CCDC81: variants seen among roughly 807,000 people sequenced by gnomAD.
CCDC81 encodes the protein coiled-coil domain-containing protein 81.
In CCDC81, 79 loss-of-function variants were observed where a neutral mutation model predicts 83.7. The observed-to-expected ratio is 0.94, with a 90% CI of 0.79 to 1.14. CCDC81 has a LOEUF of 1.14. Among genes scored for constraint, CCDC81 ranks in the 50% most tolerant of loss-of-function variants. The probability of loss-of-function intolerance (pLI) is 0.00; values close to 1 mark genes in which losing one functional copy is unlikely to be tolerated. For synonymous variants in CCDC81, 252 were observed against 278.1 expected (o/e 0.91, Z 0.93); for missense variants, 791 against 778.1 (o/e 1.02, Z -0.20).
intron 9 of CCDC81, among the ~76,000 whole-genome samples, 174 bp downstream of exon 9, chr11:86,408,444 C>T (rs1047547454): frequency 2.0e-5 from 3 of 152,190 alleles, no homozygotes; most frequent in Non-Finnish European, 4.4e-5. Flanking sequence ...GATGATCCTT[C>T]GACCTCAGCC....
intron 13 of CCDC81, among the ~76,000 whole-genome samples, chr11:86,416,573 ATAATCACATCTGCCCCTCC>A (rs143856718): frequency 0.014 from 2,067 of 152,346 alleles, 21 homozygotes; most frequent in Middle Eastern, 0.031. Context: ...AGAAAGAAGG[ATAATCACATCTGCCCCTCC>A]TAACCTTACT....
At chr11:86,389,245 A>G (rs1948290323) in intron 3 of CCDC81, among the ~76,000 whole-genome samples, 1 of 152,050 alleles carries the variant, frequency 6.6e-6, no homozygotes, top group Non-Finnish European at 1.5e-5. Flanking sequence ...CAAAATAATA[A>G]TAATAATAAT....
intron 14 of CCDC81, among the ~76,000 whole-genome samples, chr11:86,421,135 C>T (rs987970374): frequency 3.9e-5 from 6 of 152,026 alleles, no homozygotes; most frequent in Admixed American, 2.6e-4. Flanking sequence ...GACTTGAGCA[C>T]GCAGCAGTAG....
At chr11:86,390,302 A>G (rs1389767388) in intron 3 of CCDC81, among the ~76,000 whole-genome samples, 3 of 152,132 alleles carry the variant, frequency 2.0e-5, no homozygotes, top group South Asian at 4.1e-4. Flanking sequence ...CAGGAACAAT[A>G]TGAACAAGTC....
At chr11:86,391,038 G>A (rs1024706913) in intron 3 of CCDC81, among the ~76,000 whole-genome samples, 10 of 152,110 alleles carry the variant, frequency 6.6e-5, no homozygotes, top group Admixed American at 2.0e-4. Context: ...TAGAAGAGGA[G>A]GGAAGCCAGC....
intron 6 of CCDC81, among the ~76,000 whole-genome samples, chr11:86,399,689 G>C (rs1181257146): frequency 6.6e-6 from 1 of 151,666 alleles, no homozygotes; most frequent in African/African-American, 2.4e-5. Context: ...CCTGCAGCCT[G>C]AATTGTCCTT....
chr11:86,416,329 A>G (rs1461999882), intron 13 of CCDC81, among the ~76,000 whole-genome samples: 1 of 152,224 alleles, frequency 6.6e-6, no homozygotes, highest in Non-Finnish European at 1.5e-5. Context: ...CTTCTGTTTT[A>G]TAACAGCAGA....
At chr11:86,391,753 G>A (rs1948332397) in intron 3 of CCDC81, among the ~76,000 whole-genome samples, 1 of 152,202 alleles carries the variant, frequency 6.6e-6, no homozygotes, top group Admixed American at 6.5e-5. Context: ...ATAGGCAAAT[G>A]TATCAGTTCA....
chr11:86,379,701 G>C (rs1204538754), intron 1 of CCDC81, among the ~76,000 whole-genome samples: 2 of 152,146 alleles, frequency 1.3e-5, no homozygotes, highest in African/African-American at 4.8e-5. Flanking sequence ...AATAGGCCAG[G>C]TGCAGTGGCT....
intron 1 of CCDC81, among the ~76,000 whole-genome samples, chr11:86,384,075 C>T (rs1166479901): frequency 2.0e-5 from 3 of 152,268 alleles, no homozygotes; most frequent in Admixed American, 6.5e-5. Flanking sequence ...GAAATCATTT[C>T]ATCTTCAGTG....
At chr11:86,418,753 T>C (rs1459609531) in intron 13 of CCDC81, among the ~76,000 whole-genome samples, 1 of 152,150 alleles carries the variant, frequency 6.6e-6, no homozygotes, top group Non-Finnish European at 1.5e-5. Context: ...TGGGTGTAGT[T>C]TTAGTTTTGT....
chr11:86,412,549 C>A lies in CCDC81; in HGVS notation c.1381C>A (p.Leu461Ile). The change falls in exon 11 of 15, where the codon CTC becomes ATC. Residue 461 changes from leucine to isoleucine, a missense_variant. Coordinates refer to ENST00000445632, the MANE Select transcript of CCDC81 (RefSeq NM_001156474.2). ...ELMDRLEQVQ[L>I]TEELAAQRAK... Reference sequence around the variant, plus strand: ...GATGGACCGCCTGGAACAAGTGCAACTCACAGAGGAGTGAGTCCAGCTACA... The same window carrying A: ...GATGGACCGCCTGGAACAAGTGCAAATCACAGAGGAGTGAGTCCAGCTACA... 6.2e-7 allele frequency: 1 copy of A among 1,605,982 alleles called. No individual in the cohort carries two copies.
chr11:86,393,962 C>T (rs1465394659), intron 4 of CCDC81, among the ~76,000 whole-genome samples: 1 of 152,084 alleles, frequency 6.6e-6, no homozygotes, highest in Non-Finnish European at 1.5e-5. Context: ...TTTTATGAAG[C>T]TTTGGGATGG....
chr11:86,396,281 A>T (rs1948408328), intron 5 of CCDC81, among the ~76,000 whole-genome samples: 1 of 152,156 alleles, frequency 6.6e-6, no homozygotes, highest in Non-Finnish European at 1.5e-5. Context: ...ATTAATTTTA[A>T]TTTTTTTCTT....
intron 11 of CCDC81, 42 bp from the exon 12 acceptor site, chr11:86,414,747 C>T: frequency 7.6e-7 from 1 of 1,324,188 alleles, no homozygotes; most frequent in South Asian, 1.3e-5. Flanking sequence ...TTACTAAAGA[C>T]TGCAAAACTG....
Position 86,415,166 on chromosome 11 carries a change from G to T in CCDC81, c.1544G>T (p.Gly515Val), listed in dbSNP as rs1948699881. 6.2e-7 allele frequency: 1 copy of T among 1,614,084 alleles called. No homozygotes were observed. Among genetic ancestry groups the T allele is most frequent in the Non-Finnish European group, 8.5e-7 (1 of 1,180,052 alleles). ...SSEPIFGKNE[G>V]ELMVEKQKRE... ...GAGCCCATCTTTGGTAAGAATGAGGGTGAACTGATGGTGGAAAAGCAAAAG... is the reference window on the plus strand; with the variant it reads ...GAGCCCATCTTTGGTAAGAATGAGGTTGAACTGATGGTGGAAAAGCAAAAG... The change falls in exon 13 of 15, where the codon GGT (glycine) becomes GTT (valine). Residue 515 changes from glycine to valine, a missense_variant. Physicochemically the swap from Gly to Val is moderately radical, Grantham distance 109. Transcript: ENST00000445632.
intron 1 of CCDC81, among the ~76,000 whole-genome samples, chr11:86,385,635 T>C (rs1164990479): frequency 6.6e-6 from 1 of 152,188 alleles, no homozygotes; most frequent in African/African-American, 2.4e-5. Context: ...GCCTTATTCC[T>C]GTGTTGTGGA....
At chr11:86,375,951 C>A (rs1948093319) in intron 1 of CCDC81, among the ~76,000 whole-genome samples, 1 of 152,240 alleles carries the variant, frequency 6.6e-6, no homozygotes, top group Non-Finnish European at 1.5e-5. Flanking sequence ...GGAATGGCTG[C>A]TTCTTTCTCT....
chr11:86,375,244 T>C lies in CCDC81; in HGVS notation c.79+2T>C, dbSNP rs780991349. On this transcript the variant is annotated splice_donor_variant, in intron 1 of 14. Transcript: ENST00000445632. LOFTEE classifies it high-confidence loss of function. ...CTCTGCCCTCGCTGAGCCAGGAGGG[T>C]AAGCGTGTTGGGTAGCAGGGGGTGG... 1 of 1,608,420 alleles carries C rather than the reference T, an allele frequency of 6.2e-7. No individual in the cohort carries two copies. The highest frequency in any genetic ancestry group is 1.1e-5 in the South Asian group (1 of 91,050).
Sources: gnomAD v4.1 joint callset for allele counts (sites outside exome capture counted in the v4.1 genomes callset) on GRCh38, gnomAD v4.1.1 for gene constraint, MANE v1.5 for transcripts, NCBI Gene and HGNC (gene_info 2026-07-23, HGNC 2026-07-21) for gene names.